TYMS: variants seen among roughly 807,000 people sequenced by gnomAD.
TYMS encodes the protein thymidylate synthetase, also known as thymidylate synthase.
A neutral mutation model predicts 39.3 loss-of-function variants in TYMS; 21 were observed. The observed-to-expected ratio is 0.54, with a 90% CI of 0.38 to 0.77. TYMS has a LOEUF of 0.77. TYMS is among the 30% of genes least tolerant of loss of function. The pLI is 0.00. For missense variants in TYMS, 273 were observed against 406.7 expected (o/e 0.67, Z 2.83); for synonymous variants, 171 against 162.2 (o/e 1.05, Z -0.41).
chr18:667,101 A>T (rs199888458), intron 3 of TYMS, among the ~76,000 whole-genome samples: 1,111 of 17,654 alleles, frequency 0.063, 6 homozygotes, highest in Middle Eastern at 0.11. Flanking sequence ...ATGGAGATGG[A>T]GATGGAGATG....
chr18:672,659 CCT>C (rs2075116629), intron 6 of TYMS, 199 bp from the exon 7 acceptor site: 1 of 435,930 alleles, frequency 2.3e-6, no homozygotes, highest in Non-Finnish European at 4.0e-6. Context: ...ACAAAATACC[CCT>C]CACTCTCGAT....
chr18:669,237 T>A, intron 4 of TYMS, 64 bp downstream of exon 4: 1 of 1,447,698 alleles, frequency 6.9e-7, no homozygotes, highest in Non-Finnish European at 9.6e-7. Flanking sequence ...CAATCTGGTT[T>A]TGTGCAGAGG....
Position 673,112 on chromosome 18 carries a change from G to A in TYMS, c.*115G>A, listed in dbSNP as rs2075142038. 11 of 1,148,002 alleles carry A rather than the reference G, an allele frequency of 9.6e-6. No individual in the cohort carries two copies. The highest frequency in any genetic ancestry group is 4.8e-5 in the Admixed American group (2 of 41,828). The allele number at this position is 1,148,002 out of a possible 1,614,324, so 71.1% of individuals were successfully genotyped here. On this transcript the variant is annotated 3_prime_UTR_variant, in exon 7 of 7. Coordinates refer to ENST00000323274, the MANE Select transcript of TYMS (RefSeq NM_001071.4). ...AAGGAACTAGGTCAAAAATCTGTCC[G>A]TGACCTATCAGTTATTAATTTTTAA...
rs538469385 is a variant in TYMS at position 657,697 on chromosome 18, T to TC, written c.-43dup. The TC allele has an allele frequency of 7.9e-7, 1 of 1,267,320 alleles. No individual in the cohort carries two copies. The highest frequency in any genetic ancestry group is 1.6e-5 in the African/African-American group (1 of 62,622). The allele number at this position is 1,267,320 out of a possible 1,614,324, so 78.5% of individuals were successfully genotyped here. On this transcript the variant is annotated 5_prime_UTR_variant, in exon 1 of 7. Transcript: ENST00000323274. ...CGCCGCGCCACTTGGCCTGCCTCCG[T>TC]CCCGCCGCGCCACTTCGCCTGCCTC...
At chr18:664,732 T>C (rs567368523) in intron 3 of TYMS, among the ~76,000 whole-genome samples, 24 of 151,310 alleles carry the variant, frequency 1.6e-4, no homozygotes, top group African/African-American at 5.6e-4. Flanking sequence ...CATGATGTGT[T>C]GTTGAATTTT....
rs1396826934 is a variant in TYMS at position 670,799 on chromosome 18, G to A, written c.664G>A (p.Gly222Ser). Residue 222 changes from glycine (G) to serine (S), a missense_variant, in exon 5 of 7, where the codon GGT becomes AGT. Coordinates refer to ENST00000323274, the MANE Select transcript of TYMS (RefSeq NM_001071.4). ...LYQRSGDMGLGVPFNIASYAL... is the reference protein window; with the variant it reads ...LYQRSGDMGLSVPFNIASYAL... ...CCAGAGATCGGGAGACATGGGCCTC[G>A]GTGTGCCTTTCAACATCGCCAGCTA... 1.2e-6 allele frequency: 2 copies of A among 1,614,096 alleles called. No homozygotes were observed. Among genetic ancestry groups the A allele is most frequent in the East Asian group, 2.2e-5 (1 of 44,880 alleles).
chr18:662,802 A>G (rs991910906), intron 3 of TYMS, among the ~76,000 whole-genome samples: 1 of 150,768 alleles, frequency 6.6e-6, no homozygotes, highest in African/African-American at 2.5e-5. Context: ...ACTGAGAATG[A>G]TGATTTCCAA....
In TYMS at chr18:670,674, C is replaced by A; in HGVS notation, c.557-18C>A. Reference sequence around the variant, plus strand: ...TCAAACCACCATCCCTCCTTATCTTCCTCTGCTGGTTCCTCAGATCTTCCT... The same window carrying A: ...TCAAACCACCATCCCTCCTTATCTTACTCTGCTGGTTCCTCAGATCTTCCT... On this transcript the variant is annotated intron_variant, in intron 4 of 6. Transcript: ENST00000323274. 6.2e-7 allele frequency: 1 copy of A among 1,612,926 alleles called. No homozygotes were observed. Among genetic ancestry groups the A allele is most frequent in the South Asian group, 1.1e-5 (1 of 90,938 alleles).
intron 6 of TYMS, 172 bp downstream of exon 6, chr18:671,623 G>T: frequency 1.6e-6 from 1 of 636,514 alleles, no homozygotes; most frequent in Non-Finnish European, 2.8e-6. Context: ...GCAGGCATCT[G>T]CCTCAGCAAC....
chr18:668,706 C>A (rs954411845), intron 3 of TYMS, among the ~76,000 whole-genome samples: 4 of 152,134 alleles, frequency 2.6e-5, no homozygotes, highest in Non-Finnish European at 5.9e-5. Flanking sequence ...TGACAAGAAT[C>A]GCTGATGGGT....
In TYMS at chr18:659,781, C is replaced by G. The variant is rs1598462837; in HGVS notation, c.279+67C>G. On this transcript the variant is annotated intron_variant, in intron 2 of 6. Transcript: ENST00000323274. ...AACACAGCAGCCAGTGAGATCCTTT[C>G]AAAACTCAAAGCAGCCAGGTGTGGT... is the stretch of plus-strand genomic sequence containing the variant. 7 of 1,409,514 alleles carry G rather than the reference C, an allele frequency of 5.0e-6. No individual in the cohort carries two copies. The East Asian group carries it at 1.6e-4, about 32-fold the overall frequency. The allele number at this position is 1,409,514 out of a possible 1,614,324, so 87.3% of individuals were successfully genotyped here.
Position 657,916 on chromosome 18 carries a change from A to G in TYMS, c.174A>G (p.Val58=), listed in dbSNP as rs1244789549. The G allele has an allele frequency of 5.3e-6, 8 of 1,511,138 alleles. No homozygotes were observed. Among genetic ancestry groups the G allele is most frequent in the Non-Finnish European group, 7.0e-6 (8 of 1,136,284 alleles). 93.6% of individuals were successfully genotyped at this position (1,511,138 alleles called of 1,614,324 possible). ...DDRTGTGTLS[V]FGMQARYSLR... is the part of the protein sequence containing the mutation. ...GCACGGGCACCGGCACCCTGTCGGT[A>G]TTCGGCATGCAGGCGCGCTACAGCC... Residue 58 remains valine (V), a synonymous_variant, in exon 1 of 7, where the codon GTA becomes GTG. Coordinates refer to ENST00000323274, the MANE Select transcript of TYMS (RefSeq NM_001071.4).
In TYMS at chr18:667,529, AGATGGTGATGGTGATGGT is replaced by A. The variant is rs1332006193; in HGVS notation, c.455-1537_455-1520del. ...GTGATGGTGATGGTGATGGTGATGGAGATGGTGATGGTGATGGTGATGGAGATGGTGATGGTGATGGAG... is the reference window on the plus strand; with the variant it reads ...GTGATGGTGATGGTGATGGTGATGGAGATGGAGATGGTGATGGTGATGGAG... On this transcript the variant is annotated intron_variant, in intron 3 of 6. Transcript: ENST00000323274. Among the ~76,000 whole-genome samples the A allele has an allele frequency of 2.3e-3, 39 of 16,954 alleles. 10 individuals are homozygous for A. The East Asian group carries it at 0.03, about 13-fold the overall frequency. The allele number at this position is 16,954 out of a possible 152,430, so 11.1% of individuals were successfully genotyped here.
intron 3 of TYMS, 43 bp from the exon 4 acceptor site, chr18:669,029 G>A: frequency 1.3e-6 from 2 of 1,518,816 alleles, no homozygotes; most frequent in Non-Finnish European, 9.1e-7. Flanking sequence ...TGACATGTGT[G>A]ATTAATGTAT....
Position 669,023 on chromosome 18 carries a change from A to G in TYMS, c.455-49A>G, listed in dbSNP as rs755944322. ...ATGACCTCTAAGGCCATCTCATGACATGTGTGATTAATGTATGTACCTGTC... is the reference window on the plus strand; with the variant it reads ...ATGACCTCTAAGGCCATCTCATGACGTGTGTGATTAATGTATGTACCTGTC... On this transcript the variant is annotated intron_variant, in intron 3 of 6. Transcript: ENST00000323274. 14 of 1,492,774 alleles carry G rather than the reference A, an allele frequency of 9.4e-6. No homozygotes were observed. In the African/African-American group the frequency reaches 1.9e-4, roughly 21 times the overall value. The allele number at this position is 1,492,774 out of a possible 1,614,324, so 92.5% of individuals were successfully genotyped here.
chr18:659,814 G>A lies in TYMS; in HGVS notation c.279+100G>A, dbSNP rs549477257. On this transcript the variant is annotated intron_variant, in intron 2 of 6. Coordinates refer to ENST00000323274, the MANE Select transcript of TYMS (RefSeq NM_001071.4). ...AAAGCAGCCAGGTGTGGTGGCTCAC[G>A]CCTGTAATCCCACCACTTTGGGAGG... 2.3e-4 allele frequency: 240 copies of A among 1,049,498 alleles called. No individual in the cohort carries two copies. The African/African-American group carries it at 2.8e-3, about 12-fold the overall frequency. The allele number at this position is 1,049,498 out of a possible 1,614,324, so 65.0% of individuals were successfully genotyped here.
In TYMS at chr18:658,037, C is replaced by A; in HGVS notation, c.205+90C>A. On this transcript the variant is annotated intron_variant, in intron 1 of 6. Transcript: ENST00000323274. This position sits in a 1 kb window ranked among gnomAD's most constrained non-coding sequence, Gnocchi z 4.5. ...TCGGGAGCTGCCGGGCGCTGCGGACCCCGTTTAGTCCTAACCTCAATCCTG... is the reference window on the plus strand; with the variant it reads ...TCGGGAGCTGCCGGGCGCTGCGGACACCGTTTAGTCCTAACCTCAATCCTG... 3 of 1,543,506 alleles carry A rather than the reference C, an allele frequency of 1.9e-6. No individual in the cohort carries two copies. The highest frequency in any genetic ancestry group is 1.7e-6 in the Non-Finnish European group (2 of 1,146,134).
At chr18:659,851 C>A in intron 2 of TYMS, 137 bp downstream of exon 2, 1 of 763,446 alleles carries the variant, frequency 1.3e-6, no homozygotes, top group Non-Finnish European at 2.3e-6. Flanking sequence ...TGAGTCAGAT[C>A]ACCTGAGGTT....
At position 657,704 on chromosome 18, in the gene TYMS, GCGCCACTTCGCCTGCCTCCGTCC is replaced by G; in HGVS notation, c.-37_-15del. 8.6e-7 allele frequency: 1 copy of G among 1,156,102 alleles called. No individual in the cohort carries two copies. 71.6% of individuals were successfully genotyped at this position (1,156,102 alleles called of 1,614,324 possible). A position where few individuals can be genotyped will look rare whatever the true frequency, so the allele number is the denominator to read the frequency against. ...CCACTTGGCCTGCCTCCGTCCCGCC[GCGCCACTTCGCCTGCCTCCGTCC>G]CCCGCCCGCCGCGCCATGCCTGTGG... On this transcript the variant is annotated 5_prime_UTR_variant, in exon 1 of 7. Transcript: ENST00000323274.
Sources: allele counts gnomAD v4.1 joint callset (sites outside exome capture counted in the v4.1 genomes callset), GRCh38; gene constraint gnomAD v4.1.1; non-coding constraint Gnocchi (gnomAD v3.1); transcripts MANE v1.5; gene names NCBI Gene and HGNC (gene_info 2026-07-23, HGNC 2026-07-21).